The following SYNDIG1 variants were observed in gnomAD, a reference collection of about 807,000 sequenced individuals.
The protein encoded by SYNDIG1 is synapse differentiation-inducing gene protein 1.
SYNDIG1 carries 9 observed loss-of-function variants against 19.4 expected under a neutral mutation model. The ratio of observed to expected loss-of-function variants is 0.46; its 90% CI spans 0.28 to 0.81. The LOEUF is 0.81. Among genes scored for constraint, SYNDIG1 ranks in the 30% least tolerant of loss-of-function variants. The pLI, the probability that SYNDIG1 is intolerant of heterozygous loss-of-function variation, is 0.12. For missense variants in SYNDIG1, 311 were observed against 343.3 expected, an observed-to-expected ratio of 0.91 and a Z score of 0.74; for synonymous variants, 141 against 145.9, an observed-to-expected ratio of 0.97 and a Z score of 0.24.
At chr20:24,554,727 T>G (rs2057776481) in intron 2 of SYNDIG1, among the ~76,000 whole-genome samples, 1 of 151,744 alleles carries the variant, frequency 6.6e-6, no homozygotes, top group South Asian at 2.1e-4. Flanking sequence ...TGAGGATTTT[T>G]GCATCAATGT....
intron 3 of SYNDIG1, among the ~76,000 whole-genome samples, chr20:24,615,255 T>C (rs2058912606): frequency 1.3e-5 from 2 of 152,128 alleles, no homozygotes; most frequent in Non-Finnish European, 2.9e-5. Context: ...TGAAATGAAA[T>C]GGGCCCAGGG....
At chr20:24,567,861 T>C (rs972266577) in intron 2 of SYNDIG1, among the ~76,000 whole-genome samples, 11 of 152,206 alleles carry the variant, frequency 7.2e-5, no homozygotes, top group African/African-American at 2.7e-4. Flanking sequence ...GGGCCAGGCG[T>C]GGTGGCTCAC....
intron 3 of SYNDIG1, among the ~76,000 whole-genome samples, chr20:24,587,423 G>A (rs1332411903): frequency 6.6e-6 from 1 of 152,154 alleles, no homozygotes; most frequent in Non-Finnish European, 1.5e-5. Flanking sequence ...TGGTGGTTCC[G>A]GGAGCTGCTG....
chr20:24,658,408 G>A lies in SYNDIG1; in HGVS notation c.619-6938G>A, dbSNP rs1046107058. Among the ~76,000 whole-genome samples, 1 of 152,016 alleles carries A rather than the reference G, an allele frequency of 6.6e-6. No individual in the cohort carries two copies. The highest frequency in any genetic ancestry group is 2.4e-5 in the African/African-American group (1 of 41,386). ...TCCCTGATGGCCGGTGCTCCTCCCC[G>A]TGACAGATTCCACACAGGAGCTGCA... On this transcript the variant is annotated intron_variant, in intron 3 of 3. Coordinates refer to ENST00000376862, the MANE Select transcript of SYNDIG1 (RefSeq NM_024893.3). This position sits in a 1 kb window ranked among gnomAD's most constrained non-coding sequence, Gnocchi z 4.4.
At chr20:24,524,393 C>T (rs1366144668) in intron 1 of SYNDIG1, among the ~76,000 whole-genome samples, 1 of 152,172 alleles carries the variant, frequency 6.6e-6, no homozygotes, top group African/African-American at 2.4e-5. Context: ...CGCCAGTAAT[C>T]CCAGCACTTT....
In SYNDIG1 at chr20:24,587,373, A is replaced by G. The variant is rs549800379; in HGVS notation, c.618+2380A>G. 4.6e-5 allele frequency among the ~76,000 whole-genome samples: 7 copies of G among 152,286 alleles called. No homozygotes were observed. The East Asian group carries it at 7.7e-4, about 17-fold the overall frequency. On this transcript the variant is annotated intron_variant, in intron 3 of 3. Coordinates refer to ENST00000376862, the MANE Select transcript of SYNDIG1 (RefSeq NM_024893.3). ...GGGCCTGTGTCTGCATCCGTCTCCA[A>G]TCAGAACTCCCATCCCAGGCAGCTC...
At chr20:24,573,555 G>A (rs1007324328) in intron 2 of SYNDIG1, among the ~76,000 whole-genome samples, 13 of 152,196 alleles carry the variant, frequency 8.5e-5, no homozygotes, top group Admixed American at 5.9e-4. Flanking sequence ...CAGTATCATC[G>A]CCAGCTTACA....
Position 24,658,500 on chromosome 20 carries a change from T to C in SYNDIG1, c.619-6846T>C, listed in dbSNP as rs1391455389. Among the ~76,000 whole-genome samples, 1 of 152,056 alleles carries C rather than the reference T, an allele frequency of 6.6e-6. No individual in the cohort carries two copies. Among genetic ancestry groups the C allele is most frequent in the Non-Finnish European group, 1.5e-5 (1 of 67,986 alleles). On this transcript the variant is annotated intron_variant, in intron 3 of 3. Transcript: ENST00000376862. The surrounding 1 kb of genome is among the most constrained non-coding windows in gnomAD (Gnocchi z 4.4). ...CTGGGGGGTGAAAGCCCTTCCCCAG[T>C]GACCTGCAGGTTTCGAGGGGCTTCC...
At chr20:24,585,048 T>TGGGGG in intron 3 of SYNDIG1, 55 bp downstream of exon 3, 7 of 395,196 alleles carry the variant, frequency 1.8e-5, no homozygotes, top group South Asian at 2.6e-5. Flanking sequence ...AGGGTGGGGG[T>TGGGGG]GGGGGCGGCA....
intron 1 of SYNDIG1, among the ~76,000 whole-genome samples, chr20:24,511,645 T>C (rs1224857807): frequency 6.6e-6 from 1 of 152,196 alleles, no homozygotes; most frequent in African/African-American, 2.4e-5. Context: ...CAGTATCAGC[T>C]TGGGCTTAAG....
rs1389834150 is a variant in SYNDIG1, at chr20:24,640,528, A to AGGAAGGAG, written c.619-24815_619-24814insAGGAGGGA. On this transcript the variant is annotated intron_variant, in intron 3 of 3. Transcript: ENST00000376862. ...AAGGAAGGAAGGAAGGAAGGAAGGA[A>AGGAAGGAG]GGAGCTTTTCTTCAAATAATTAAAG... Among the ~76,000 whole-genome samples, 1,022 of 111,180 alleles carry AGGAAGGAG rather than the reference A, an allele frequency of 9.2e-3. 15 individuals are homozygous for AGGAAGGAG. The highest frequency in any genetic ancestry group is 0.013 in the Non-Finnish European group (650 of 49,024). The allele number at this position is 111,180 out of a possible 152,430, so 72.9% of individuals were successfully genotyped here.
intron 3 of SYNDIG1, among the ~76,000 whole-genome samples, chr20:24,648,258 C>G (rs1359780200): frequency 6.6e-6 from 1 of 152,234 alleles, no homozygotes; most frequent in Non-Finnish European, 1.5e-5. Context: ...TGAAGCCCCT[C>G]TCTTGAAGTG....
At chr20:24,564,344 C>T (rs2058001648) in intron 2 of SYNDIG1, among the ~76,000 whole-genome samples, 1 of 152,072 alleles carries the variant, frequency 6.6e-6, no homozygotes, top group South Asian at 2.1e-4. Context: ...AAAGGTGAGC[C>T]CAGCTTTTAT....
intron 2 of SYNDIG1, among the ~76,000 whole-genome samples, chr20:24,562,470 G>A (rs1185049419): frequency 6.6e-6 from 1 of 152,080 alleles, no homozygotes; most frequent in Non-Finnish European, 1.5e-5. Flanking sequence ...GTCACTCAAG[G>A]CATGTTTCTC....
At chr20:24,641,272 G>T (rs1270816211) in intron 3 of SYNDIG1, among the ~76,000 whole-genome samples, 1 of 152,066 alleles carries the variant, frequency 6.6e-6, no homozygotes, top group Non-Finnish European at 1.5e-5. Flanking sequence ...AAAAGATGAT[G>T]ATGGATGGAT....
intron 3 of SYNDIG1, among the ~76,000 whole-genome samples, chr20:24,589,165 T>A (rs1401884996): frequency 1.3e-5 from 2 of 152,204 alleles, no homozygotes; most frequent in Admixed American, 6.5e-5. Context: ...ATGAATCCCA[T>A]AATTGGCTGA....
chr20:24,574,159 T>G lies in SYNDIG1; in HGVS notation c.481-10697T>G, dbSNP rs984719729. Among the ~76,000 whole-genome samples, 4 of 152,230 alleles carry G rather than the reference T, an allele frequency of 2.6e-5. No homozygotes were observed. The East Asian group carries it at 7.7e-4, about 29-fold the overall frequency. ...GCACCTGAATCCTTTATTCAAGCTCTGCTGCAAGGAGCCAGGCCTCAAGAA... is the reference window on the plus strand; with the variant it reads ...GCACCTGAATCCTTTATTCAAGCTCGGCTGCAAGGAGCCAGGCCTCAAGAA... On this transcript the variant is annotated intron_variant, in intron 2 of 3. Coordinates refer to ENST00000376862, the MANE Select transcript of SYNDIG1 (RefSeq NM_024893.3).
chr20:24,649,204 C>T (rs574427000), intron 3 of SYNDIG1, among the ~76,000 whole-genome samples: 71 of 152,316 alleles, frequency 4.7e-4, no homozygotes, highest in African/African-American at 1.7e-3. Flanking sequence ...GGGTGCCCTA[C>T]AGCTGAAGGG....
chr20:24,540,246 A>G (rs778233444), intron 1 of SYNDIG1, among the ~76,000 whole-genome samples: 4 of 152,176 alleles, frequency 2.6e-5, no homozygotes, highest in Non-Finnish European at 4.4e-5. Flanking sequence ...TTTTTTGTGT[A>G]TTAACTTTGT....
Sources: allele counts gnomAD v4.1 joint callset (sites outside exome capture counted in the v4.1 genomes callset), GRCh38; gene constraint gnomAD v4.1.1; non-coding constraint Gnocchi (gnomAD v3.1); transcripts MANE v1.5; gene names NCBI Gene and HGNC (gene_info 2026-07-23, HGNC 2026-07-21).